The following NDUFAF6 variants were observed in gnomAD, a reference collection of about 807,000 sequenced individuals.
The protein encoded by NDUFAF6 is NADH:ubiquinone oxidoreductase complex assembly factor 6, also known as NADH dehydrogenase (ubiquinone) complex I, assembly factor 6.
Under a neutral mutation model 40.8 loss-of-function variants are expected in NDUFAF6, and 45 were observed. The observed-to-expected ratio is 1.10, with a 90% confidence interval of 0.87 to 1.42. The LOEUF (loss-of-function observed/expected upper bound fraction) is 1.42. Ranked by LOEUF, NDUFAF6 falls within the 40% of genes most tolerant of loss-of-function variation. The pLI, the probability that NDUFAF6 is intolerant of heterozygous loss-of-function variation, is 0.00. For synonymous variants in NDUFAF6, 185 were observed against 155.9 expected (o/e 1.19, Z -1.39); for missense variants, 435 against 418.5 (o/e 1.04, Z -0.34).
intron 2 of NDUFAF6, among the ~76,000 whole-genome samples, chr8:95,094,694 C>T (rs1243767948): frequency 6.6e-6 from 1 of 150,924 alleles, no homozygotes; most frequent in East Asian, 1.9e-4. Flanking sequence ...AGATTACAGG[C>T]GTGGGCCTCT....
intron 3 of NDUFAF6, among the ~76,000 whole-genome samples, chr8:95,038,276 G>A (rs1306722570): frequency 6.6e-6 from 1 of 151,998 alleles, no homozygotes; most frequent in Non-Finnish European, 1.5e-5. Flanking sequence ...TCCCCCATAT[G>A]TGTATCCACA....
At chr8:95,043,601 G>A (rs1020770364) in intron 4 of NDUFAF6, among the ~76,000 whole-genome samples, 15 of 152,048 alleles carry the variant, frequency 9.9e-5, no homozygotes, top group African/African-American at 1.9e-4. Context: ...CAGATAAGGT[G>A]TACAAATGAC....
At chr8:94,934,728 G>C (rs982607166) in intron 1 of NDUFAF6, among the ~76,000 whole-genome samples, 4 of 152,046 alleles carry the variant, frequency 2.6e-5, no homozygotes, top group African/African-American at 9.7e-5. Context: ...ATCATAATCA[G>C]AAGGGAAGAA....
intron 1 of NDUFAF6, chr8:94,941,154 TACACATAC>T (rs1202079695): frequency 2.0e-6 from 1 of 506,172 alleles, no homozygotes. Context: ...CATAAGTACA[TACACATAC>T]ACACATACCC....
intron 9 of NDUFAF6, chr8:95,067,307 C>T (rs1051085116): frequency 5.3e-5 from 8 of 152,048 alleles, no homozygotes; most frequent in African/African-American, 1.9e-4. Context: ...ACCTTTGTGT[C>T]CCAAGGAGAG....
At chr8:94,980,653 G>T (rs1045446975) in intron 1 of NDUFAF6, among the ~76,000 whole-genome samples, 16 of 151,238 alleles carry the variant, frequency 1.1e-4, no homozygotes, top group African/African-American at 3.4e-4. Flanking sequence ...GTCTCACCAT[G>T]TTGGCCAGAC....
chr8:94,960,489 T>C (rs914161388), intron 1 of NDUFAF6, among the ~76,000 whole-genome samples: 1 of 152,222 alleles, frequency 6.6e-6, no homozygotes, highest in African/African-American at 2.4e-5. Flanking sequence ...GTGGCTGTTG[T>C]GGAACTAATG....
intron 2 of NDUFAF6, among the ~76,000 whole-genome samples, chr8:95,093,299 A>C (rs1307424619): frequency 6.6e-6 from 1 of 152,188 alleles, no homozygotes; most frequent in Non-Finnish European, 1.5e-5. Context: ...TGAGAAAGAA[A>C]CTTCTTATCT....
intron 2 of NDUFAF6, among the ~76,000 whole-genome samples, chr8:94,995,436 A>G (rs749822417): frequency 6.6e-5 from 10 of 152,128 alleles, no homozygotes; most frequent in Non-Finnish European, 1.3e-4. Flanking sequence ...ACACTTCAAA[A>G]TGGTTAGTGT....
downstream of NDUFAF6, among the ~76,000 whole-genome samples, chr8:95,104,676 T>C: frequency 6.6e-6 from 1 of 152,170 alleles, no homozygotes; most frequent in Non-Finnish European, 1.5e-5. Context: ...GGCTTCCTCA[T>C]CCCACTGTAA....
chr8:95,032,544 C>T lies in NDUFAF6; in HGVS notation c.297+450C>T, dbSNP rs190946357. ...ACCAGGACCTTAGATCATACTAATTCACTTTTGTCTAAGAATTCCAAAGGA... is the reference window on the plus strand; with the variant it reads ...ACCAGGACCTTAGATCATACTAATTTACTTTTGTCTAAGAATTCCAAAGGA... On this transcript the variant is annotated intron_variant, in intron 2 of 8. Coordinates refer to ENST00000396124, the MANE Select transcript of NDUFAF6 (RefSeq NM_152416.4). Among the ~76,000 whole-genome samples the T allele has an allele frequency of 2.6e-5, 4 of 152,300 alleles. 1 individual carries two copies. Among genetic ancestry groups the T allele is most frequent in the Non-Finnish European group, 5.9e-5 (4 of 68,004 alleles).
downstream of NDUFAF6, among the ~76,000 whole-genome samples, chr8:95,105,058 CACACACACAGAG>C (rs1243318400): frequency 1.8e-4 from 11 of 62,334 alleles, no homozygotes; most frequent in African/African-American, 6.3e-4. Flanking sequence ...CACACACACA[CACACACACAGAG>C]AGAGAGAGAG....
At chr8:95,053,827 A>C (rs767941914) in intron 8 of NDUFAF6, among the ~76,000 whole-genome samples, 4 of 146,266 alleles carry the variant, frequency 2.7e-5, no homozygotes, top group Non-Finnish European at 4.4e-5. Flanking sequence ...AGGTTTTGCC[A>C]TGTTGGCCAG....
chr8:95,014,972 G>A (rs1355960677), intron 2 of NDUFAF6, among the ~76,000 whole-genome samples: 1 of 152,120 alleles, frequency 6.6e-6, no homozygotes, highest in Admixed American at 6.6e-5. Flanking sequence ...GTGCTGTTTG[G>A]CTTCCTCAGG....
chr8:95,034,029 G>T (rs1272836416), intron 2 of NDUFAF6: 2 of 457,698 alleles, frequency 4.4e-6, no homozygotes, highest in East Asian at 6.9e-5. Flanking sequence ...CTGCTGTCTT[G>T]CTGTACTGTA....
At chr8:94,958,522 C>CTT (rs55703438) in intron 1 of NDUFAF6, among the ~76,000 whole-genome samples, 2,421 of 71,204 alleles carry the variant, frequency 0.034, 556 homozygotes, top group African/African-American at 0.083. Flanking sequence ...TAGTCACATT[C>CTT]TTTTTTTTTT....
chr8:94,942,693 GC>G (rs1341942608), intron 1 of NDUFAF6, among the ~76,000 whole-genome samples: 3 of 152,220 alleles, frequency 2.0e-5, no homozygotes, highest in Non-Finnish European at 4.4e-5. Context: ...TGTGATGAAT[GC>G]CATGGAAGAA....
downstream of NDUFAF6, among the ~76,000 whole-genome samples, chr8:95,059,210 T>C (rs144828832): frequency 3.9e-4 from 59 of 152,322 alleles, no homozygotes; most frequent in East Asian, 0.011. Context: ...AGTAGTCTTG[T>C]CTCCTGCCCC....
chr8:95,109,567 T>G (rs2132085259), intron 4 of NDUFAF6, among the ~76,000 whole-genome samples: 1 of 136,118 alleles, frequency 7.3e-6, no homozygotes, highest in East Asian at 2.4e-4. Context: ...TAGATAGAGA[T>G]GTAGCGTTAG....
Sources: gnomAD v4.1 joint callset for allele counts (sites outside exome capture counted in the v4.1 genomes callset) on GRCh38, gnomAD v4.1.1 for gene constraint, MANE v1.5 for transcripts, NCBI Gene and HGNC (gene_info 2026-07-23, HGNC 2026-07-21) for gene names.